Variants in CHM observed in about 807,000 individuals in gnomAD.
The protein encoded by CHM is rab proteins geranylgeranyltransferase component A 1.
Under a neutral mutation model 49.0 loss-of-function variants are expected in CHM, and 10 were observed. The observed-to-expected ratio is 0.20, with a 90% CI of 0.13 to 0.35. CHM has a LOEUF of 0.35. CHM is among the 10% of genes least tolerant of loss of function. The pLI is 1.00. For missense variants in CHM, 455 were observed against 478.4 expected (o/e 0.95, Z 0.46); for synonymous variants, 184 against 167.5 (o/e 1.10, Z -0.76).
chrX:86,045,924 A>G (rs140024907), intron 1 of CHM, among the ~76,000 whole-genome samples: 1,711 of 112,370 alleles, frequency 0.015, 46 homozygotes, highest in African/African-American at 0.053. Flanking sequence ...AGAAAAAATG[A>G]ATAGTCCATT....
chrX:85,967,673 T>G (rs994855697), intron 4 of CHM, among the ~76,000 whole-genome samples: 7 of 112,164 alleles, frequency 6.2e-5, no homozygotes, highest in African/African-American at 2.3e-4. Context: ...CAAATTAAAT[T>G]TAGTGTCATT....
chrX:85,950,187 T>G (rs1355859990), intron 8 of CHM, among the ~76,000 whole-genome samples: 1 of 97,870 alleles, frequency 1.0e-5, no homozygotes, highest in Non-Finnish European at 2.1e-5. Context: ...ATATAAACTC[T>G]CAGCTAAGGA....
chrX:85,959,736 G>C (rs887786141), intron 5 of CHM, among the ~76,000 whole-genome samples: 3 of 111,288 alleles, frequency 2.7e-5, no homozygotes, highest in Non-Finnish European at 5.7e-5. Flanking sequence ...CATGTTAACC[G>C]TATGGTTAAA....
rs770414003 is a variant in CHM, at chrX:85,933,216, C to CA, written c.1167-21879dup. ...CATGGGATTTAGTGAGACTCTGTCT[C>CA]AAAAAATAAAATAAAATAAATAAAT... On this transcript the variant is annotated intron_variant, in intron 8 of 14. Transcript: ENST00000357749. Among the ~76,000 whole-genome samples, 14 of 108,998 alleles carry CA rather than the reference C, an allele frequency of 1.3e-4. No homozygotes were observed. In the South Asian group the frequency reaches 3.2e-3, roughly 25 times the overall value. 94.7% of individuals were successfully genotyped at this position (108,998 alleles called of 115,157 possible).
At chrX:85,969,093 A>T (rs1342709577) in intron 4 of CHM, 1 of 676,613 alleles carries the variant, frequency 1.5e-6, no homozygotes, top group African/African-American at 2.4e-5. Flanking sequence ...AGAATTTTAG[A>T]TTCCTATTGC....
At chrX:85,865,366 T>G (rs1321063023) in intron 14 of CHM, among the ~76,000 whole-genome samples, 7 of 111,781 alleles carry the variant, frequency 6.3e-5, no homozygotes, top group Non-Finnish European at 1.1e-4. Context: ...AGATGTGCCT[T>G]GCTTCCCCTT....
At chrX:86,009,337 A>G (rs959662928) in intron 2 of CHM, among the ~76,000 whole-genome samples, 20 of 112,364 alleles carry the variant, frequency 1.8e-4, no homozygotes, top group African/African-American at 6.1e-4. Context: ...CACCAGTCAT[A>G]TACTATTATA....
At chrX:85,965,243 C>T in intron 4 of CHM, among the ~76,000 whole-genome samples, 1 of 112,285 alleles carries the variant, frequency 8.9e-6, no homozygotes, top group East Asian at 2.8e-4. Context: ...AACATAATCA[C>T]ATACTTTAGC....
At chrX:85,921,925 C>A (rs1469004958) in intron 8 of CHM, among the ~76,000 whole-genome samples, 1 of 112,099 alleles carries the variant, frequency 8.9e-6, no homozygotes, top group Non-Finnish European at 1.9e-5. Context: ...TTTATATACA[C>A]ACACACACGG....
At chrX:85,953,615 C>T (rs1212645519) in intron 8 of CHM, among the ~76,000 whole-genome samples, 1 of 111,647 alleles carries the variant, frequency 9.0e-6, no homozygotes, top group Non-Finnish European at 1.9e-5. Context: ...AGAAACAAAT[C>T]CACACACCTA....
At chrX:86,019,375 A>G (rs1981093793) in intron 2 of CHM, among the ~76,000 whole-genome samples, 1 of 111,980 alleles carries the variant, frequency 8.9e-6, no homozygotes, top group Non-Finnish European at 1.9e-5. Flanking sequence ...GCTTAAAAAT[A>G]AAGAGCTAAG....
At chrX:85,897,270 T>C (rs780837081) in intron 11 of CHM, among the ~76,000 whole-genome samples, 2 of 101,625 alleles carry the variant, frequency 2.0e-5, no homozygotes, top group Non-Finnish European at 3.9e-5. Context: ...TATATATATA[T>C]ACTAGCATAT....
chrX:86,034,740 A>G (rs1934172270), intron 1 of CHM, among the ~76,000 whole-genome samples: 1 of 111,597 alleles, frequency 9.0e-6, no homozygotes. Context: ...AGATCACGCC[A>G]TTGCACTCCA....
chrX:86,022,682 A>T (rs1218772907), intron 2 of CHM, among the ~76,000 whole-genome samples: 1 of 111,017 alleles, frequency 9.0e-6, no homozygotes, highest in East Asian at 2.8e-4. Context: ...AATAATGCCC[A>T]AATCTCTTAT....
At chrX:85,898,157 C>T (rs1214847934) in intron 11 of CHM, among the ~76,000 whole-genome samples, 3 of 111,039 alleles carry the variant, frequency 2.7e-5, no homozygotes, top group African/African-American at 6.5e-5. Flanking sequence ...TGAGACAGTA[C>T]ACTCTCCAAC....
In CHM at chrX:85,966,009, C is replaced by T. The variant is rs1466740420; in HGVS notation, c.315-1957G>A. Among the ~76,000 whole-genome samples the T allele has an allele frequency of 2.7e-5, 3 of 111,315 alleles. No individual in the cohort carries two copies. In the East Asian group the frequency reaches 8.5e-4, roughly 31 times the overall value. ...AACTGTTGTGAGATAAGGAAGCTAA[C>T]ATATATGAAAAGTAGTTTATAAACT... On this transcript the variant is annotated intron_variant, in intron 4 of 14. Coordinates refer to ENST00000357749, the MANE Select transcript of CHM (RefSeq NM_000390.4).
chrX:85,931,453 AT>A (rs1201091811), intron 8 of CHM, among the ~76,000 whole-genome samples: 1 of 111,807 alleles, frequency 8.9e-6, no homozygotes, highest in Admixed American at 9.5e-5. Flanking sequence ...CTTAGATACT[AT>A]TTTTTCATCC....
At chrX:85,980,015 CAA>C (rs1319797934) in intron 3 of CHM, among the ~76,000 whole-genome samples, 3 of 111,345 alleles carry the variant, frequency 2.7e-5, no homozygotes, top group Non-Finnish European at 5.7e-5. Flanking sequence ...AATGGAGAGA[CAA>C]AGACAGTGGC....
intron 1 of CHM, among the ~76,000 whole-genome samples, chrX:86,037,637 T>A (rs2147805289): frequency 9.0e-6 from 1 of 111,474 alleles, no homozygotes; most frequent in African/African-American, 3.3e-5. Flanking sequence ...CTAAAATAGA[T>A]GATGAAAGAG....
Sources: allele counts gnomAD v4.1 joint callset (sites outside exome capture counted in the v4.1 genomes callset), GRCh38; gene constraint gnomAD v4.1.1; transcripts MANE v1.5; gene names NCBI Gene and HGNC (gene_info 2026-07-23, HGNC 2026-07-21).